Variants in ARHGEF10 observed in about 807,000 individuals in gnomAD.
The protein encoded by ARHGEF10 is Rho guanine nucleotide exchange factor 10.
In ARHGEF10, 140 loss-of-function variants were observed where a neutral mutation model predicts 147.4. The observed-to-expected ratio is 0.95, with a 90% CI of 0.83 to 1.09. The LOEUF is 1.09. ARHGEF10 is among the 50% of genes least tolerant of loss of function. The pLI is 0.00. For synonymous variants in ARHGEF10, 902 were observed against 695.8 expected (o/e 1.30, Z -4.67); for missense variants, 2,222 against 1,752.7 (o/e 1.27, Z -4.78).
At chr8:1,915,416 G>A (rs1311794853) in intron 18 of ARHGEF10, among the ~76,000 whole-genome samples, 1 of 152,236 alleles carries the variant, frequency 6.6e-6, no homozygotes, top group Admixed American at 6.5e-5. Flanking sequence ...AGCCCATTAA[G>A]GAAGCCCAGA....
At position 1,902,603 on chromosome 8, in the gene ARHGEF10, C is replaced by G. The variant is rs538864615; in HGVS notation, c.1651-678C>G. On this transcript the variant is annotated intron_variant, in intron 15 of 28. Transcript: ENST00000349830. Reference sequence around the variant, plus strand: ...CTACCCCTCCCCTAACATGCATAGCCCCCTCCCCCCACATCTCCACCAGAG... The same window carrying G: ...CTACCCCTCCCCTAACATGCATAGCGCCCTCCCCCCACATCTCCACCAGAG... Among the ~76,000 whole-genome samples, 45 of 152,044 alleles carry G rather than the reference C, an allele frequency of 3.0e-4. 1 individual carries two copies. The highest frequency in any genetic ancestry group is 1.1e-3 in the African/African-American group (44 of 41,474).
At chr8:1,823,603 G>T (rs1014535195), upstream of ARHGEF10, among the ~76,000 whole-genome samples, 18 of 151,910 alleles carry the variant, frequency 1.2e-4, no homozygotes, top group African/African-American at 4.3e-4. Context: ...GCTCTGCGGG[G>T]AGGATCCAGA....
intron 27 of ARHGEF10, among the ~76,000 whole-genome samples, chr8:1,947,259 A>ACCTCCCGTGGGCTCCAGCACCCGAG: frequency 6.6e-6 from 1 of 152,014 alleles, no homozygotes; most frequent in East Asian, 1.9e-4. Flanking sequence ...TCTCCACTCG[A>ACCTCCCGTGGGCTCCAGCACCCGAG]CCTCCCGTGG....
At chr8:1,834,911 C>T (rs1055570442) in intron 1 of ARHGEF10, among the ~76,000 whole-genome samples, 7 of 152,230 alleles carry the variant, frequency 4.6e-5, no homozygotes, top group South Asian at 2.1e-4. Flanking sequence ...ACCCAGCAGC[C>T]GGCTCCCGGC....
chr8:1,882,369 G>C (rs958120198), intron 9 of ARHGEF10, among the ~76,000 whole-genome samples: 1 of 152,344 alleles, frequency 6.6e-6, no homozygotes, highest in Non-Finnish European at 1.5e-5. Context: ...CCCCCACGTA[G>C]CTCTTTGTGT....
intron 26 of ARHGEF10, among the ~76,000 whole-genome samples, chr8:1,943,275 C>T (rs1358804289): frequency 6.6e-6 from 1 of 152,144 alleles, no homozygotes; most frequent in Non-Finnish European, 1.5e-5. Context: ...TGCTTTGGGG[C>T]TCAATGACAG....
In ARHGEF10 at chr8:1,825,942, C is replaced by A. The variant is rs966874362; in HGVS notation, c.-48+1829C>A. 4 of 638,512 alleles carry A rather than the reference C, an allele frequency of 6.3e-6. No homozygotes were observed. In the African/African-American group the frequency reaches 7.3e-5, roughly 12 times the overall value. 39.6% of individuals were successfully genotyped at this position (638,512 alleles called of 1,614,324 possible). On this transcript the variant is annotated intron_variant, in intron 1 of 28. Transcript: ENST00000349830. ...GCTGATTAATAATATGTTTTGAACA[C>A]CTGCTTTATAGAAAATAATTTTTAT...
chr8:1,890,141 AGGGTTTGTGAGGAGACACTGAGTGGGG>A (rs1563240735), intron 11 of ARHGEF10, among the ~76,000 whole-genome samples: 97 of 21,274 alleles, frequency 4.6e-3, no homozygotes, highest in Non-Finnish European at 7.2e-3. Context: ...GAGTGGGGTG[AGGGTTTGTGAGGAGACACTGAGTGGGG>A]TGAGGGTTTG....
chr8:1,909,509 A>C, intron 18 of ARHGEF10, 39 bp downstream of exon 18: 4 of 1,611,388 alleles, frequency 2.5e-6, no homozygotes, highest in Non-Finnish European at 3.4e-6. Context: ...CCGTGGGGCC[A>C]GGGTAACTCT....
At chr8:1,907,552 GTT>G (rs1811000169) in intron 17 of ARHGEF10, among the ~76,000 whole-genome samples, 1 of 152,344 alleles carries the variant, frequency 6.6e-6, no homozygotes, top group East Asian at 1.9e-4. Context: ...TCAGGCTGCT[GTT>G]GGGGAGCGCC....
chr8:1,875,488 C>T (rs1431823039), intron 7 of ARHGEF10, among the ~76,000 whole-genome samples: 1 of 152,166 alleles, frequency 6.6e-6, no homozygotes, highest in African/African-American at 2.4e-5. Flanking sequence ...TTGACCCATT[C>T]ATCCGCTGAG....
chr8:1,864,848 G>C (rs1585312881), intron 5 of ARHGEF10, among the ~76,000 whole-genome samples: 1 of 152,232 alleles, frequency 6.6e-6, no homozygotes, highest in Admixed American at 6.5e-5. Context: ...AGTTTAAACA[G>C]AGTTGTGCCA....
chr8:1,918,460 CTGTGTGTGTGTGTG>C (rs60519090), intron 18 of ARHGEF10, among the ~76,000 whole-genome samples: 35 of 140,944 alleles, frequency 2.5e-4, no homozygotes, highest in Admixed American at 7.0e-4. Context: ...CATTTGATGG[CTGTGTGTGTGTGTG>C]TGTGTGTGTG....
intron 21 of ARHGEF10, among the ~76,000 whole-genome samples, chr8:1,924,164 C>G (rs889067645): frequency 6.6e-6 from 1 of 152,164 alleles, no homozygotes; most frequent in Non-Finnish European, 1.5e-5. Context: ...CCCGTGGAGC[C>G]TGGCCGTGAG....
At chr8:1,900,808 C>T (rs970683463) in intron 15 of ARHGEF10, among the ~76,000 whole-genome samples, 16 of 152,152 alleles carry the variant, frequency 1.1e-4, no homozygotes, top group Admixed American at 2.0e-4. Context: ...AGCAGAGTTA[C>T]GTAGGTCAGT....
intron 11 of ARHGEF10, among the ~76,000 whole-genome samples, chr8:1,889,007 A>G (rs1369668770): frequency 2.7e-5 from 2 of 73,188 alleles, no homozygotes; most frequent in East Asian, 1.1e-3. Flanking sequence ...ACAAGGAGTC[A>G]CGGAGTGCAG....
At chr8:1,952,966 C>A in intron 28 of ARHGEF10, 139 bp downstream of exon 28, 1 of 1,212,736 alleles carries the variant, frequency 8.2e-7, no homozygotes, top group Non-Finnish European at 1.1e-6. Flanking sequence ...ATTATAATGA[C>A]TTAATAGACT....
At chr8:1,869,705 A>G (rs1359329632) in intron 7 of ARHGEF10, 2 of 278,920 alleles carry the variant, frequency 7.2e-6, no homozygotes, top group East Asian at 1.8e-4. Flanking sequence ...ACGTTGATCC[A>G]TACCTAGGCC....
At chr8:1,923,726 G>A (rs1255513749) in intron 20 of ARHGEF10, 48 bp from the exon 21 acceptor site, 1 of 1,613,552 alleles carries the variant, frequency 6.2e-7, no homozygotes, top group Admixed American at 1.7e-5. Context: ...AACCTCACAG[G>A]ATGGAGCACG....
Sources: gnomAD v4.1 joint callset for allele counts (sites outside exome capture counted in the v4.1 genomes callset) on GRCh38, gnomAD v4.1.1 for gene constraint, MANE v1.5 for transcripts, NCBI Gene and HGNC (gene_info 2026-07-23, HGNC 2026-07-21) for gene names.